The following PRKD2 variants were observed in gnomAD, a reference collection of about 807,000 sequenced individuals.
PRKD2 encodes the protein serine/threonine-protein kinase D2.
A neutral mutation model predicts 86.0 loss-of-function variants in PRKD2; 22 were observed. The ratio of observed to expected loss-of-function variants is 0.26; its 90% CI spans 0.18 to 0.37. The LOEUF (loss-of-function observed/expected upper bound fraction) is 0.37, where lower values mean the gene tolerates loss of function less well. PRKD2 is among the 10% of genes least tolerant of loss of function. PRKD2 has a pLI of 1.00. For missense variants in PRKD2, 818 were observed against 1,199.2 expected, an observed-to-expected ratio of 0.68 and a Z score of 4.70; for synonymous variants, 509 against 510.9, an observed-to-expected ratio of 1.00 and a Z score of 0.05.
At chr19:46,698,179 T>C (rs1599830167) in intron 7 of PRKD2, among the ~76,000 whole-genome samples, 1 of 152,190 alleles carries the variant, frequency 6.6e-6, no homozygotes, top group South Asian at 2.1e-4. Flanking sequence ...CACCCCTGGC[T>C]AATTTTTGTA....
Position 46,694,026 on chromosome 19 carries a change from G to T in PRKD2, c.1425C>A (p.Thr475=). The T allele has an allele frequency of 6.2e-7, 1 of 1,614,180 alleles. No homozygotes were observed. The highest frequency in any genetic ancestry group is 8.5e-7 in the Non-Finnish European group (1 of 1,180,046). The stretch of plus-strand genomic sequence containing the variant: ...CGCCAGGCATCTCGCCCACGAAGTA[G>T]GTGGCATTGGCAGTGACGATCTCAA... ...HCFEIVTANA[T]YFVGEMPGGT... is the part of the protein sequence containing the mutation. Residue 475 remains threonine (T), a synonymous_variant, in exon 10 of 18, where the codon ACC becomes ACA. Coordinates refer to ENST00000291281, the MANE Select transcript of PRKD2 (RefSeq NM_016457.5).
chr19:46,709,651 G>C (rs116633906), intron 3 of PRKD2, among the ~76,000 whole-genome samples: 1 of 151,556 alleles, frequency 6.6e-6, no homozygotes, highest in Admixed American at 6.6e-5. Context: ...GTGAGCCACC[G>C]CACCCGGCCC....
chr19:46,714,605 CTAG>C (rs1453210957), intron 1 of PRKD2: 1 of 152,112 alleles, frequency 6.6e-6, no homozygotes, highest in Non-Finnish European at 1.5e-5. Flanking sequence ...GAAATGAAAC[CTAG>C]TAGAACAGAA....
Position 46,681,730 on chromosome 19 carries a change from G to A in PRKD2, c.1990C>T (p.His664Tyr), listed in dbSNP as rs1481482324. 2 of 1,612,826 alleles carry A rather than the reference G, an allele frequency of 1.2e-6. No homozygotes were observed. The highest frequency in any genetic ancestry group is 1.3e-5 in the African/African-American group (1 of 74,828). ...LITQILVALRHLHFKNIVHCD... is the reference protein window; with the variant it reads ...LITQILVALRYLHFKNIVHCD... ...TGGACAATGTTCTTGAAGTGAAGGT[G>A]TCTCAAAGCCACCAGGATCTGAGGG... The change falls in exon 15 of 18, where the codon CAC (histidine) becomes TAC (tyrosine). Residue 664 changes from histidine (H) to tyrosine (Y), a missense_variant. By Grantham distance (83) the His-to-Tyr change is moderately conservative. Around this residue, in one of 5 missense-constraint regions of PRKD2, gnomAD observed 154 missense variants for 359.6 expected, o/e 0.43. Coordinates refer to ENST00000291281, the MANE Select transcript of PRKD2 (RefSeq NM_016457.5).
Position 46,710,894 on chromosome 19 carries a change from C to A in PRKD2, c.511+13G>T. On this transcript the variant is annotated intron_variant, in intron 3 of 17. Coordinates refer to ENST00000291281, the MANE Select transcript of PRKD2 (RefSeq NM_016457.5). Reference sequence around the variant, plus strand: ...CCCGCCCCAGGCCCCGCCCCCAACCCTTTAGCTCTCACCATCGCACTTGAG... The same window carrying A: ...CCCGCCCCAGGCCCCGCCCCCAACCATTTAGCTCTCACCATCGCACTTGAG... 1 of 1,563,510 alleles carries A rather than the reference C, an allele frequency of 6.4e-7. No individual in the cohort carries two copies. The highest frequency in any genetic ancestry group is 2.4e-5 in the East Asian group (1 of 42,228).
intron 1 of PRKD2, 59 bp from the exon 2 acceptor site, chr19:46,714,060 G>A (rs2053848117): frequency 1.3e-6 from 2 of 1,588,162 alleles, no homozygotes; most frequent in Non-Finnish European, 1.7e-6. Context: ...TCAGCAGCGG[G>A]CGGACTGTGA....
At chr19:46,700,008 G>A (rs1279810534) in intron 7 of PRKD2, among the ~76,000 whole-genome samples, 2 of 151,984 alleles carry the variant, frequency 1.3e-5, no homozygotes, top group Non-Finnish European at 2.9e-5. Flanking sequence ...GGCCGAGGCA[G>A]GTGGATTACC....
intron 4 of PRKD2, 45 bp downstream of exon 4, chr19:46,704,450 G>C (rs1019339176): frequency 2.5e-6 from 4 of 1,613,884 alleles, no homozygotes; most frequent in Non-Finnish European, 3.4e-6. Context: ...CCTGGGCCAA[G>C]TCACCCCCCT....
chr19:46,692,049 T>C, intron 10 of PRKD2, 64 bp from the exon 11 acceptor site: 1 of 1,531,216 alleles, frequency 6.5e-7, no homozygotes, highest in Non-Finnish European at 9.0e-7. Flanking sequence ...CACCCATACC[T>C]GCAAAAGCAG....
At chr19:46,694,189 G>A in intron 9 of PRKD2, 56 bp from the exon 10 acceptor site, 1 of 1,589,916 alleles carries the variant, frequency 6.3e-7, no homozygotes, top group Non-Finnish European at 8.6e-7. Context: ...TGGAATTCTA[G>A]TGCTTACCCA....
At chr19:46,702,284 C>T (rs2053647919) in intron 5 of PRKD2, among the ~76,000 whole-genome samples, 1 of 152,072 alleles carries the variant, frequency 6.6e-6, no homozygotes, top group Non-Finnish European at 1.5e-5. Flanking sequence ...AAGCAATCCA[C>T]CCACCTAAGC....
chr19:46,694,222 T>C lies in PRKD2; in HGVS notation c.1318-89A>G, dbSNP rs2053525331. 4 of 1,518,574 alleles carry C rather than the reference T, an allele frequency of 2.6e-6. No individual in the cohort carries two copies. The African/African-American group carries it at 4.1e-5, about 16-fold the overall frequency. 94.1% of individuals were successfully genotyped at this position (1,518,574 alleles called of 1,614,324 possible). A position where few individuals can be genotyped will look rare whatever the true frequency, so the allele number is the denominator to read the frequency against. On this transcript the variant is annotated intron_variant, in intron 9 of 17. Transcript: ENST00000291281. The stretch of plus-strand genomic sequence containing the variant: ...CCAGAAGGATACACGGGATCCATGT[T>C]GATAGGGATGGGCCTGGTTTGCACA...
intron 7 of PRKD2, 132 bp from the exon 8 acceptor site, chr19:46,697,982 T>TC: frequency 1.4e-6 from 1 of 717,762 alleles, no homozygotes; most frequent in South Asian, 1.7e-5. Flanking sequence ...TTTGACATTT[T>TC]CCCCCCAACA....
chr19:46,676,206 A>T (rs563396128), intron 16 of PRKD2, among the ~76,000 whole-genome samples: 53 of 152,190 alleles, frequency 3.5e-4, no homozygotes, highest in Admixed American at 8.5e-4. Context: ...AGGCGGGTGG[A>T]TCACCCGAGG....
intron 7 of PRKD2, 71 bp downstream of exon 7, chr19:46,700,728 A>G (rs1055732681): frequency 7.8e-6 from 12 of 1,546,846 alleles, no homozygotes; most frequent in Non-Finnish European, 7.9e-6. Context: ...CCCATTGTAG[A>G]GAAAAAGAAA....
At chr19:46,709,945 T>C (rs903789036) in intron 3 of PRKD2, among the ~76,000 whole-genome samples, 10 of 152,134 alleles carry the variant, frequency 6.6e-5, no homozygotes, top group African/African-American at 2.4e-4. Flanking sequence ...ATCACCAGGC[T>C]GGAGTGCAGT....
intron 15 of PRKD2, among the ~76,000 whole-genome samples, chr19:46,681,351 C>T (rs1345215595): frequency 6.6e-6 from 1 of 151,514 alleles, no homozygotes. Context: ...AACTCCTGGG[C>T]TCAAGCAATC....
intron 14 of PRKD2, among the ~76,000 whole-genome samples, chr19:46,686,672 C>G (rs2053403050): frequency 6.7e-6 from 1 of 149,432 alleles, no homozygotes; most frequent in African/African-American, 2.5e-5. Flanking sequence ...ATAAAATAGG[C>G]CAGGCGCGGT....
intron 3 of PRKD2, among the ~76,000 whole-genome samples, chr19:46,707,367 A>G (rs1264403915): frequency 6.6e-6 from 1 of 151,752 alleles, no homozygotes; most frequent in East Asian, 2.0e-4. Flanking sequence ...GCACTTGGGG[A>G]GGCTGAGGAG....
Sources: allele counts gnomAD v4.1 joint callset (sites outside exome capture counted in the v4.1 genomes callset), GRCh38; gene constraint gnomAD v4.1.1; regional missense constraint gnomAD v4.1.1; transcripts MANE v1.5; gene names NCBI Gene and HGNC (gene_info 2026-07-23, HGNC 2026-07-21).